Variants in SPECC1L observed in about 807,000 individuals in gnomAD.
SPECC1L encodes sperm antigen with calponin homology and coiled-coil domains 1 like, also known as cytospin-A.
In SPECC1L, 40 loss-of-function variants were observed where a neutral mutation model predicts 116.8. The observed-to-expected ratio is 0.34, with a 90% CI of 0.27 to 0.45. The LOEUF is 0.45. Among genes scored for constraint, SPECC1L ranks in the 20% least tolerant of loss-of-function variants. The pLI, the probability that SPECC1L is intolerant of heterozygous loss-of-function variation, is 1.00. For missense variants in SPECC1L, 1,110 were observed against 1,373.6 expected (o/e 0.81, Z 3.03); for synonymous variants, 504 against 500.6 (o/e 1.01, Z -0.09).
At chr22:24,295,678 G>A (rs1024722463) in intron 2 of SPECC1L, among the ~76,000 whole-genome samples, 9 of 152,244 alleles carry the variant, frequency 5.9e-5, no homozygotes, top group South Asian at 2.1e-4. Flanking sequence ...CGGGCCCGGC[G>A]CGGTGGCTCA....
chr22:24,272,187 C>G (rs1458379346), intron 1 of SPECC1L, among the ~76,000 whole-genome samples: 1 of 152,118 alleles, frequency 6.6e-6, no homozygotes, highest in Non-Finnish European at 1.5e-5. Context: ...TCAAGACCAG[C>G]CTGACCAACA....
At position 24,324,284 on chromosome 22, in the gene SPECC1L, C is replaced by T. The variant is rs143004795; in HGVS notation, c.2003C>T (p.Thr668Met). The T allele has an allele frequency of 4.1e-4, 666 of 1,613,840 alleles. No individual in the cohort carries two copies. The highest frequency in any genetic ancestry group is 8.1e-4 in the South Asian group (74 of 91,072). ...AKKQIEDLNMTLEKLRSDLDE... is the reference protein window; with the variant it reads ...AKKQIEDLNMMLEKLRSDLDE... ...AAACAAATTGAAGATTTGAATATGA[C>T]GTTAGAAAAATTAAGATCAGACCTG... The change falls in exon 6 of 17, where the codon ACG becomes ATG. Residue 668 changes from threonine to methionine, a missense_variant. Transcript: ENST00000314328.
At chr22:24,275,344 C>T (rs2048816436) in intron 1 of SPECC1L, among the ~76,000 whole-genome samples, 1 of 152,222 alleles carries the variant, frequency 6.6e-6, no homozygotes, top group Non-Finnish European at 1.5e-5. Flanking sequence ...CTGTGAGACA[C>T]CTCCCAGTAG....
At chr22:24,278,965 A>C (rs1045152511) in intron 2 of SPECC1L, among the ~76,000 whole-genome samples, 1 of 152,196 alleles carries the variant, frequency 6.6e-6, no homozygotes, top group Non-Finnish European at 1.5e-5. Flanking sequence ...ATTTTATCCA[A>C]ATCCTCTTAA....
intron 14 of SPECC1L, among the ~76,000 whole-genome samples, chr22:24,404,894 C>T (rs2042556298): frequency 6.6e-6 from 1 of 152,208 alleles, no homozygotes; most frequent in Non-Finnish European, 1.5e-5. Context: ...AGATGTGTGG[C>T]CATGGCCACG....
At chr22:24,281,117 T>C (rs1230671396) in intron 2 of SPECC1L, among the ~76,000 whole-genome samples, 7 of 152,230 alleles carry the variant, frequency 4.6e-5, no homozygotes, top group Non-Finnish European at 8.8e-5. Flanking sequence ...TGTAATGTAA[T>C]GAAAATTTTA....
intron 4 of SPECC1L, among the ~76,000 whole-genome samples, chr22:24,317,221 G>A (rs796163812): frequency 5.9e-5 from 6 of 100,902 alleles, no homozygotes; most frequent in African/African-American, 1.1e-4. Context: ...GGGCAGAGGC[G>A]CCCCTCACCT....
At chr22:24,316,431 C>T (rs1451985578) in intron 4 of SPECC1L, among the ~76,000 whole-genome samples, 1 of 150,960 alleles carries the variant, frequency 6.6e-6, no homozygotes, top group Non-Finnish European at 1.5e-5. Context: ...TGCGGCCTTC[C>T]GCAGTGTTTG....
At chr22:24,288,805 T>C (rs1210437800) in intron 2 of SPECC1L, among the ~76,000 whole-genome samples, 1 of 151,966 alleles carries the variant, frequency 6.6e-6, no homozygotes, top group African/African-American at 2.4e-5. Context: ...TTTGTACTTT[T>C]AGTAGAGACG....
intron 10 of SPECC1L, chr22:24,343,517 G>A (rs747135352): frequency 2.2e-6 from 1 of 445,744 alleles, no homozygotes; most frequent in Non-Finnish European, 4.5e-6. Context: ...CTGGAATGCA[G>A]TGGCGTGACC....
At chr22:24,346,518 TG>T (rs1660143936) in intron 10 of SPECC1L, among the ~76,000 whole-genome samples, 1 of 152,186 alleles carries the variant, frequency 6.6e-6, no homozygotes, top group East Asian at 1.9e-4. Context: ...TTTTGGAACA[TG>T]TTTTTGTATT....
At chr22:24,285,094 T>A (rs1264458406) in intron 2 of SPECC1L, among the ~76,000 whole-genome samples, 6 of 152,192 alleles carry the variant, frequency 3.9e-5, no homozygotes, top group Non-Finnish European at 5.9e-5. Flanking sequence ...ACACTTAGAT[T>A]GGGTGACAAA....
chr22:24,275,960 G>A (rs4091352), intron 1 of SPECC1L, among the ~76,000 whole-genome samples: 142 of 152,152 alleles, frequency 9.3e-4, no homozygotes, highest in Admixed American at 2.2e-3. Context: ...CAAACCTCCC[G>A]CCTTGGCCAC....
intron 14 of SPECC1L, among the ~76,000 whole-genome samples, chr22:24,389,654 C>T (rs1327259422): frequency 3.9e-5 from 6 of 152,054 alleles, no homozygotes; most frequent in South Asian, 2.1e-4. Context: ...GAAGTACTTA[C>T]CTTTATTCTC....
At chr22:24,413,676 A>G (rs942497463) in intron 16 of SPECC1L, among the ~76,000 whole-genome samples, 1 of 152,192 alleles carries the variant, frequency 6.6e-6, no homozygotes, top group African/African-American at 2.4e-5. Flanking sequence ...CCATTCCTGG[A>G]TATTTTACAA....
intron 2 of SPECC1L, among the ~76,000 whole-genome samples, chr22:24,290,520 C>T (rs971190278): frequency 2.6e-5 from 4 of 152,172 alleles, no homozygotes; most frequent in Non-Finnish European, 5.9e-5. Context: ...AAAAGTTGTG[C>T]CTCAGTCAGT....
At chr22:24,412,769 C>T in intron 16 of SPECC1L, 62 bp downstream of exon 16, 8 of 1,565,882 alleles carry the variant, frequency 5.1e-6, no homozygotes, top group Non-Finnish European at 6.2e-6. Flanking sequence ...AGAGTTCAGT[C>T]CTGTTTAAGC....
At chr22:24,383,580 T>G (rs1054242887) in intron 14 of SPECC1L, among the ~76,000 whole-genome samples, 7 of 152,102 alleles carry the variant, frequency 4.6e-5, no homozygotes, top group Admixed American at 1.3e-4. Context: ...GATGAAGAGA[T>G]AGAGAGTTTT....
chr22:24,312,993 G>A (rs1162243848), intron 3 of SPECC1L, among the ~76,000 whole-genome samples: 1 of 152,146 alleles, frequency 6.6e-6, no homozygotes, highest in Non-Finnish European at 1.5e-5. Flanking sequence ...ACTTCCTGTG[G>A]CATTATAGGA....
Sources: gnomAD v4.1 joint callset for allele counts (sites outside exome capture counted in the v4.1 genomes callset) on GRCh38, gnomAD v4.1.1 for gene constraint, MANE v1.5 for transcripts, NCBI Gene and HGNC (gene_info 2026-07-23, HGNC 2026-07-21) for gene names.